ITGAE: variants seen among roughly 807,000 people sequenced by gnomAD.
ITGAE encodes integrin alpha-E.
ITGAE carries 99 observed loss-of-function variants against 136.5 expected under a neutral mutation model. That is an observed-to-expected ratio of 0.73 (90% CI 0.62 to 0.86). The LOEUF (loss-of-function observed/expected upper bound fraction) is 0.86. Among genes scored for constraint, ITGAE ranks in the 40% least tolerant of loss-of-function variants. ITGAE has a pLI of 0.00. For missense variants in ITGAE, 1,447 were observed against 1,515.3 expected, an observed-to-expected ratio of 0.95 and a Z score of 0.75; for synonymous variants, 613 against 591.8, an observed-to-expected ratio of 1.04 and a Z score of -0.52.
chr17:3,796,354 T>C (rs2053103757), intron 1 of ITGAE, among the ~76,000 whole-genome samples: 1 of 152,074 alleles, frequency 6.6e-6, no homozygotes, highest in South Asian at 2.1e-4. Context: ...CCTGTTGCAT[T>C]TCCCACCAGG....
intron 24 of ITGAE, 87 bp from the exon 25 acceptor site, chr17:3,728,255 G>A (rs2051260862): frequency 1.0e-6 from 1 of 1,003,808 alleles, no homozygotes; most frequent in Non-Finnish European, 1.6e-6. Flanking sequence ...CCAGGCTAGA[G>A]CACAGTGGAA....
At chr17:3,723,577 G>C (rs1176199456) in intron 27 of ITGAE, 111 bp downstream of exon 27, 2 of 1,204,090 alleles carry the variant, frequency 1.7e-6, no homozygotes, top group Non-Finnish European at 2.3e-6. Context: ...GGGCCTGGCA[G>C]CCCCCGGCAC....
intron 1 of ITGAE, among the ~76,000 whole-genome samples, chr17:3,795,882 T>C (rs28581450): frequency 0.049 from 7,295 of 149,914 alleles, 245 homozygotes; most frequent in East Asian, 0.095. Flanking sequence ...CGTGTGCGTG[T>C]GCATCCGTGT....
intron 1 of ITGAE, among the ~76,000 whole-genome samples, chr17:3,791,574 C>G (rs541633247): frequency 6.6e-6 from 1 of 152,136 alleles, no homozygotes; most frequent in African/African-American, 2.4e-5. Flanking sequence ...TGAGCCACCA[C>G]GCCCGGCCCT....
Position 3,790,438 on chromosome 17 carries a change from C to T in ITGAE, c.34+10673G>A, listed in dbSNP as rs141749291. 2.7e-3 allele frequency among the ~76,000 whole-genome samples: 402 copies of T among 151,678 alleles called. 2 individuals carry two copies. Among genetic ancestry groups the T allele is most frequent in the African/African-American group, 9.2e-3 (382 of 41,302 alleles). On this transcript the variant is annotated intron_variant, in intron 1 of 30. Transcript: ENST00000263087. ...AGGAGACTCGCTTGAACCTGGGAGGCGGAGGTTGCAGTGAGCCGAGATCGC... is the reference window on the plus strand; with the variant it reads ...AGGAGACTCGCTTGAACCTGGGAGGTGGAGGTTGCAGTGAGCCGAGATCGC...
chr17:3,761,389 T>C lies in ITGAE; in HGVS notation c.433+14A>G, dbSNP rs777737082. The stretch of plus-strand genomic sequence containing the variant: ...TTTAGAGCTATCCAAGGCCAGTGAA[T>C]GTCCAATCCTTACCAAGGTCGAAGA... On this transcript the variant is annotated intron_variant, in intron 5 of 30. Transcript: ENST00000263087. The C allele has an allele frequency of 1.2e-5, 20 of 1,603,696 alleles. No homozygotes were observed. The South Asian group carries it at 1.6e-4, about 13-fold the overall frequency.
chr17:3,770,768 C>CCCTGGAGATGGA (rs2052402230), intron 2 of ITGAE, among the ~76,000 whole-genome samples: 2 of 152,164 alleles, frequency 1.3e-5, no homozygotes, highest in African/African-American at 4.8e-5. Context: ...CCCGCTGGGC[C>CCCTGGAGATGGA]CTCCCCCAGC....
At chr17:3,786,862 C>T (rs1276049847) in intron 1 of ITGAE, among the ~76,000 whole-genome samples, 8 of 144,190 alleles carry the variant, frequency 5.5e-5, no homozygotes, top group Non-Finnish European at 1.2e-4. Context: ...TGCACTCCAG[C>T]CTGGTGACAG....
intron 3 of ITGAE, among the ~76,000 whole-genome samples, chr17:3,763,569 G>A (rs571729534): frequency 5.8e-4 from 88 of 152,202 alleles, no homozygotes; most frequent in Middle Eastern, 3.4e-3. Flanking sequence ...TAAATGGCGC[G>A]GTTTTGAGGA....
At chr17:3,766,844 AAT>A (rs1174266710) in intron 2 of ITGAE, among the ~76,000 whole-genome samples, 260 of 115,370 alleles carry the variant, frequency 2.3e-3, no homozygotes, top group African/African-American at 8.1e-3. Flanking sequence ...TAATAATAAT[AAT>A]AAACCTGTGT....
rs1415259461 is a variant in ITGAE at position 3,783,817 on chromosome 17, G to A, written c.35-6157C>T. On this transcript the variant is annotated intron_variant, in intron 1 of 30. Transcript: ENST00000263087. Reference sequence around the variant, plus strand: ...AAATATGTTGTTTTTGATTCACTAGGAAGATGTGACAATTTTAAATCTGTA... The same window carrying A: ...AAATATGTTGTTTTTGATTCACTAGAAAGATGTGACAATTTTAAATCTGTA... 2.6e-5 allele frequency among the ~76,000 whole-genome samples: 4 copies of A among 152,140 alleles called. No individual in the cohort carries two copies. The East Asian group carries it at 5.8e-4, about 22-fold the overall frequency.
In ITGAE at chr17:3,759,463, C is replaced by T. The variant is rs1567539472; in HGVS notation, c.805G>A (p.Val269Ile). 2 of 1,614,200 alleles carry T rather than the reference C, an allele frequency of 1.2e-6. No individual in the cohort carries two copies. The highest frequency in any genetic ancestry group is 1.7e-6 in the Non-Finnish European group (2 of 1,180,044). The change falls in exon 8 of 31, where the codon GTC (valine) becomes ATC (isoleucine). Residue 269 changes from valine to isoleucine, a missense_variant. Coordinates refer to ENST00000263087, the MANE Select transcript of ITGAE (RefSeq NM_002208.5). ...SQDVMASLAR[V>I]QNITQVGSVT... ...CTCCCCACTTGAGTGATGTTCTGGA[C>T]TCTGGCGAGGGAGGCCATCACATCC...
At chr17:3,741,736 G>A (rs2051593114) in intron 19 of ITGAE, among the ~76,000 whole-genome samples, 1 of 152,122 alleles carries the variant, frequency 6.6e-6, no homozygotes, top group South Asian at 2.1e-4. Flanking sequence ...CTCCTGAGAT[G>A]GTGTACTGAG....
At position 3,761,116 on chromosome 17, in the gene ITGAE, G is replaced by A. The variant is rs142119432; in HGVS notation, c.495C>T (p.Gly165=). 9.7e-4 allele frequency: 1,557 copies of A among 1,612,948 alleles called. 13 individuals are homozygous for A. In the African/African-American group the frequency reaches 0.018, roughly 18 times the overall value. The part of the protein sequence containing the change: ...DTGDCYSNKE[G]GGEDDVNTAR... ...CTGTGTTCACATCGTCTTCTCCACC[G>A]CCTTCTTTGTTGCTGTAGCAGTCTC... The change falls in exon 6 of 31, where the codon GGC becomes GGT. Residue 165 remains glycine, a synonymous_variant. Coordinates refer to ENST00000263087, the MANE Select transcript of ITGAE (RefSeq NM_002208.5).
Position 3,732,593 on chromosome 17 carries a change from A to G in ITGAE, c.2656-127T>C, listed in dbSNP as rs1597311138. The G allele has an allele frequency of 6.9e-6, 5 of 728,938 alleles. 1 individual carries two copies. The East Asian group carries it at 1.3e-4, about 20-fold the overall frequency. The allele number at this position is 728,938 out of a possible 1,614,324, so 45.2% of individuals were successfully genotyped here. A position where few individuals can be genotyped will look rare whatever the true frequency, so the allele number is the denominator to read the frequency against. On this transcript the variant is annotated intron_variant, in intron 21 of 30. Transcript: ENST00000263087. ...CCTGTCAGACACCCTGCCAGGAGCT[A>G]AAGAAATAAAGTCCACTTGGTCCCT...
intron 30 of ITGAE, among the ~76,000 whole-genome samples, chr17:3,715,322 T>C (rs2050921789): frequency 6.6e-6 from 1 of 152,148 alleles, no homozygotes; most frequent in Admixed American, 6.5e-5. Context: ...ATCAAGCTCA[T>C]CATCTAGTAG....
chr17:3,770,569 G>C (rs1329127235), intron 2 of ITGAE, among the ~76,000 whole-genome samples: 2 of 152,156 alleles, frequency 1.3e-5, no homozygotes, highest in African/African-American at 4.8e-5. Flanking sequence ...TCTCAAGCAG[G>C]AGCACAGCCC....
At position 3,755,893 on chromosome 17, in the gene ITGAE, C is replaced by G; in HGVS notation, c.1176G>C (p.Thr392=). Residue 392 remains threonine (T), a synonymous_variant, in exon 11 of 31, where the codon ACG becomes ACC. Coordinates refer to ENST00000263087, the MANE Select transcript of ITGAE (RefSeq NM_002208.5). The part of the protein sequence containing the change: ...LRYNIISMEG[T]VGDALHYQLA... ...GCTGGTAGTGAAGGGCGTCTCCAAC[C>G]GTGCCTGCAAGCCAAGAAGCCCAGT... The G allele has an allele frequency of 1.3e-6, 2 of 1,594,682 alleles. No homozygotes were observed. Among genetic ancestry groups the G allele is most frequent in the Non-Finnish European group, 1.7e-6 (2 of 1,170,646 alleles).
Position 3,784,996 on chromosome 17 carries a change from C to T in ITGAE, c.35-7336G>A, listed in dbSNP as rs184516824. ...CCAAACTCCATCTCTACCAAAAATA[C>T]AAAAAATTAGCCAGGAATGGTGGCA... On this transcript the variant is annotated intron_variant, in intron 1 of 30. Transcript: ENST00000263087. Among the ~76,000 whole-genome samples the T allele has an allele frequency of 1.4e-3, 216 of 151,984 alleles. 4 individuals are homozygous for T. Among genetic ancestry groups the T allele is most frequent in the Admixed American group, 1.6e-3 (24 of 15,212 alleles).
Sources: gnomAD v4.1 joint callset for allele counts (sites outside exome capture counted in the v4.1 genomes callset) on GRCh38, gnomAD v4.1.1 for gene constraint, MANE v1.5 for transcripts, NCBI Gene and HGNC (gene_info 2026-07-23, HGNC 2026-07-21) for gene names.